The following PPFIBP1 variants were observed in gnomAD, a reference collection of about 807,000 sequenced individuals.
The protein encoded by PPFIBP1 is liprin-beta-1.
Under a neutral mutation model 137.8 loss-of-function variants are expected in PPFIBP1, and 112 were observed. The ratio of observed to expected loss-of-function variants is 0.81; its 90% CI spans 0.70 to 0.95. The LOEUF (loss-of-function observed/expected upper bound fraction) is 0.95, where lower values mean the gene tolerates loss of function less well. PPFIBP1 is among the 40% of genes least tolerant of loss of function. The pLI, the probability that PPFIBP1 is intolerant of heterozygous loss-of-function variation, is 0.00. For synonymous variants in PPFIBP1, 378 were observed against 417.3 expected (o/e 0.91, Z 1.15); for missense variants, 1,083 against 1,196.6 (o/e 0.91, Z 1.40).
chr12:27,547,418 C>T (rs377139278), intron 1 of PPFIBP1: 1 of 152,162 alleles, frequency 6.6e-6, no homozygotes, highest in African/African-American at 2.4e-5. Flanking sequence ...TTTTCAAAGA[C>T]GGTTATCAGC....
At chr12:27,627,726 T>A (rs2056939645) in intron 2 of PPFIBP1, among the ~76,000 whole-genome samples, 1 of 152,098 alleles carries the variant, frequency 6.6e-6, no homozygotes, top group African/African-American at 2.4e-5. Context: ...TGCCCGGAAC[T>A]TTCCTTGATA....
In PPFIBP1 at chr12:27,691,837, G is replaced by A; in HGVS notation, c.2774G>A (p.Gly925Glu). The change falls in exon 28 of 30, where the codon GGA becomes GAA. Residue 925 changes from glycine (G) to glutamate (E), a missense_variant. Transcript: ENST00000228425. The part of the protein sequence containing the change: ...GEEYVCPMEL[G>E]QASGSASKKG... ...GAATATGTTTGTCCAATGGAATTGG[G>A]ACAGGCATCAGGAAGTGCATCTAAG... 1 of 1,613,942 alleles carries A rather than the reference G, an allele frequency of 6.2e-7. No individual in the cohort carries two copies. Among genetic ancestry groups the A allele is most frequent in the Non-Finnish European group, 8.5e-7 (1 of 1,179,856 alleles).
rs555440674 is a variant in PPFIBP1 at position 27,644,022 on chromosome 12, A to G, written c.271-2040A>G. Among the ~76,000 whole-genome samples, 11 of 151,174 alleles carry G rather than the reference A, an allele frequency of 7.3e-5. No individual in the cohort carries two copies. In the South Asian group the frequency reaches 1.7e-3, roughly 23 times the overall value. On this transcript the variant is annotated intron_variant, in intron 4 of 29. Coordinates refer to ENST00000228425, the MANE Select transcript of PPFIBP1 (RefSeq NM_003622.4). ...TCCATATCATACAAAGTAGCTTGGG[A>G]GGAAACATTGCTCTCATCTTGCTAT...
intron 2 of PPFIBP1, among the ~76,000 whole-genome samples, chr12:27,598,093 C>G (rs1257630295): frequency 6.6e-6 from 1 of 152,210 alleles, no homozygotes; most frequent in South Asian, 2.1e-4. Flanking sequence ...GCATGAGCCA[C>G]TATGCCCAGC....
chr12:27,549,355 A>G (rs1431728203), intron 1 of PPFIBP1: 4 of 152,200 alleles, frequency 2.6e-5, no homozygotes, highest in Non-Finnish European at 4.4e-5. Flanking sequence ...TCTTTCTAAC[A>G]TGCCTGTACG....
intron 13 of PPFIBP1, among the ~76,000 whole-genome samples, chr12:27,668,114 C>T (rs935783484): frequency 5.3e-5 from 8 of 152,098 alleles, no homozygotes; most frequent in Non-Finnish European, 1.0e-4. Flanking sequence ...CTGGCTACAC[C>T]GCTTTACATC....
At chr12:27,586,052 C>A (rs2051708404) in intron 2 of PPFIBP1, among the ~76,000 whole-genome samples, 2 of 152,186 alleles carry the variant, frequency 1.3e-5, no homozygotes, top group Non-Finnish European at 2.9e-5. Flanking sequence ...GTGTCAGCAA[C>A]TAGCAGCAGC....
chr12:27,670,651 G>A (rs1301947367), intron 13 of PPFIBP1, among the ~76,000 whole-genome samples: 2 of 151,970 alleles, frequency 1.3e-5, no homozygotes, highest in African/African-American at 4.8e-5. Context: ...GGTGGCGCAC[G>A]CCTGTAGTCC....
At chr12:27,683,578 G>A (rs940889079) in intron 24 of PPFIBP1, among the ~76,000 whole-genome samples, 4 of 152,102 alleles carry the variant, frequency 2.6e-5, no homozygotes, top group African/African-American at 9.7e-5. Flanking sequence ...GAGTTACTGG[G>A]GTTAAAGGAG....
At position 27,693,212 on chromosome 12, in the gene PPFIBP1, A is replaced by G. The variant is rs2140676716; in HGVS notation, c.*330A>G. The G allele has an allele frequency of 4.8e-6, 1 of 206,518 alleles. No individual in the cohort carries two copies. The highest frequency in any genetic ancestry group is 9.9e-5 in the South Asian group (1 of 10,094). 12.8% of individuals were successfully genotyped at this position (206,518 alleles called of 1,614,324 possible). Reference sequence around the variant, plus strand: ...CGGTATGGAGGATTTGAGGAACAGTAACCAGGATGTGAATGATTTTGTTAC... The same window carrying G: ...CGGTATGGAGGATTTGAGGAACAGTGACCAGGATGTGAATGATTTTGTTAC... On this transcript the variant is annotated 3_prime_UTR_variant, in exon 30 of 30. Transcript: ENST00000228425.
chr12:27,525,765 G>C (rs1943674949), intron 1 of PPFIBP1, among the ~76,000 whole-genome samples: 1 of 152,140 alleles, frequency 6.6e-6, no homozygotes, highest in South Asian at 2.1e-4. Flanking sequence ...AGGGATAGAG[G>C]ACTATAGATG....
At chr12:27,527,871 A>G (rs906649395) in intron 1 of PPFIBP1, among the ~76,000 whole-genome samples, 6 of 152,128 alleles carry the variant, frequency 3.9e-5, no homozygotes, top group African/African-American at 1.4e-4. Flanking sequence ...CCGTGGCCAA[A>G]CAGATGGATT....
At chr12:27,604,325 T>C (rs567681461) in intron 2 of PPFIBP1, among the ~76,000 whole-genome samples, 1 of 152,370 alleles carries the variant, frequency 6.6e-6, no homozygotes, top group South Asian at 2.1e-4. Context: ...GAATGCCTGT[T>C]ATAATTAATA....
At chr12:27,581,009 G>A (rs1402564218) in intron 2 of PPFIBP1, among the ~76,000 whole-genome samples, 5 of 151,560 alleles carry the variant, frequency 3.3e-5, no homozygotes, top group African/African-American at 7.3e-5. Flanking sequence ...ATCCTCCCAC[G>A]TCAGTCTCCT....
At chr12:27,629,698 T>C (rs1477721005) in intron 2 of PPFIBP1, among the ~76,000 whole-genome samples, 1 of 152,222 alleles carries the variant, frequency 6.6e-6, no homozygotes, top group Non-Finnish European at 1.5e-5. Context: ...CAGGGGATTT[T>C]CTAAAGCTTT....
chr12:27,607,316 G>A (rs1232063777), intron 2 of PPFIBP1, among the ~76,000 whole-genome samples: 5 of 152,222 alleles, frequency 3.3e-5, no homozygotes, highest in South Asian at 2.1e-4. Context: ...TGTCCACCTC[G>A]TGGGAAATAG....
chr12:27,564,396 C>T (rs537625891), intron 1 of PPFIBP1, among the ~76,000 whole-genome samples: 64 of 152,298 alleles, frequency 4.2e-4, no homozygotes, highest in African/African-American at 1.3e-3. Flanking sequence ...CACATAGCTC[C>T]TTTCACAAAA....
intron 2 of PPFIBP1, among the ~76,000 whole-genome samples, chr12:27,606,865 C>T (rs942034201): frequency 6.6e-6 from 1 of 152,104 alleles, no homozygotes; most frequent in Non-Finnish European, 1.5e-5. Context: ...GAGTTTAGTT[C>T]GGTGCTCTGT....
At chr12:27,537,618 A>G (rs1448891956) in intron 1 of PPFIBP1, among the ~76,000 whole-genome samples, 1 of 152,044 alleles carries the variant, frequency 6.6e-6, no homozygotes, top group Non-Finnish European at 1.5e-5. Context: ...GCGTGTTATT[A>G]ATAAAGAAGT....
Sources: allele counts gnomAD v4.1 joint callset (sites outside exome capture counted in the v4.1 genomes callset), GRCh38; gene constraint gnomAD v4.1.1; transcripts MANE v1.5; gene names NCBI Gene and HGNC (gene_info 2026-07-23, HGNC 2026-07-21).